The following TLL1 variants were observed in gnomAD, a reference collection of about 807,000 sequenced individuals.
TLL1 encodes the protein tolloid like 1, also known as tolloid-like protein 1.
Under a neutral mutation model 128.2 loss-of-function variants are expected in TLL1, and 49 were observed. The ratio of observed to expected loss-of-function variants is 0.38; its 90% CI spans 0.30 to 0.48. The LOEUF is 0.48. Ranked by LOEUF, TLL1 falls within the 20% of genes least tolerant of loss-of-function variation. The probability of loss-of-function intolerance (pLI) is 0.96; values close to 1 mark genes in which losing one functional copy is unlikely to be tolerated. For missense variants in TLL1, 1,123 were observed against 1,242.0 expected (o/e 0.90, Z 1.44); for synonymous variants, 454 against 418.8 (o/e 1.08, Z -1.03).
At chr4:165,882,975 G>A (rs1731025234) in intron 1 of TLL1, among the ~76,000 whole-genome samples, 1 of 151,948 alleles carries the variant, frequency 6.6e-6, no homozygotes, top group Admixed American at 6.6e-5. Flanking sequence ...AATAGTTACA[G>A]TAAGAACAGA....
At position 165,995,145 on chromosome 4, in the gene TLL1, A is replaced by G. The variant is rs1434361541; in HGVS notation, c.599A>G (p.Glu200Gly). 3 of 1,613,918 alleles carry G rather than the reference A, an allele frequency of 1.9e-6. No individual in the cohort carries two copies. Among genetic ancestry groups the G allele is most frequent in the Non-Finnish European group, 2.5e-6 (3 of 1,179,910 alleles). ...ACTTTCATAGAAAGAAGTGATGAAG[A>G]GAGTTACATTGTATTCACCTATAGG... Reference protein sequence around the residue: ...CVTFIERSDEESYIVFTYRPC... With the variant: ...CVTFIERSDEGSYIVFTYRPC... Residue 200 changes from glutamate (E) to glycine (G), a missense_variant, in exon 5 of 21, where the codon GAG (glutamate) becomes GGG (glycine). Glu to Gly is a moderately conservative substitution (Grantham distance 98, BLOSUM62 -2). Around this residue, in one of 3 missense-constraint regions of TLL1, gnomAD observed 480 missense variants for 542.4 expected, o/e 0.89. Transcript: ENST00000061240.
intron 10 of TLL1, among the ~76,000 whole-genome samples, chr4:166,041,726 C>T (rs907382174): frequency 6.6e-6 from 1 of 152,168 alleles, no homozygotes; most frequent in Non-Finnish European, 1.5e-5. Flanking sequence ...CTTGATGCAT[C>T]ATTTGACCTT....
At chr4:166,030,325 C>G (rs903909318) in intron 9 of TLL1, 2 of 399,450 alleles carry the variant, frequency 5.0e-6, no homozygotes, top group Non-Finnish European at 8.9e-6. Flanking sequence ...AATATTTATT[C>G]AAGTCTTTTG....
chr4:166,072,045 A>T (rs1203105814), intron 16 of TLL1, among the ~76,000 whole-genome samples: 2 of 151,994 alleles, frequency 1.3e-5, no homozygotes, highest in Admixed American at 1.3e-4. Context: ...TTCTCTTTTC[A>T]TATGACTATT....
chr4:166,095,220 A>G lies in TLL1; in HGVS notation c.2656+3879A>G, dbSNP rs148500235. ...GAATTTTTGAACTAGGTGATTAGAA[A>G]TGTTGTAATGTGTAATGATGGCTGC... On this transcript the variant is annotated intron_variant, in intron 19 of 20. Coordinates refer to ENST00000061240, the MANE Select transcript of TLL1 (RefSeq NM_012464.5). Among the ~76,000 whole-genome samples the G allele has an allele frequency of 7.8e-3, 1,185 of 152,212 alleles. 4 individuals are homozygous for G. The highest frequency in any genetic ancestry group is 0.017 in the South Asian group (80 of 4,826).
intron 12 of TLL1, among the ~76,000 whole-genome samples, chr4:166,044,862 A>C (rs976286574): frequency 6.6e-6 from 1 of 152,254 alleles, no homozygotes; most frequent in Non-Finnish European, 1.5e-5. Flanking sequence ...TATTATAGAC[A>C]TGATGTCAGA....
intron 12 of TLL1, among the ~76,000 whole-genome samples, chr4:166,045,584 G>A (rs1039062029): frequency 1.3e-5 from 2 of 152,086 alleles, no homozygotes; most frequent in African/African-American, 4.8e-5. Flanking sequence ...AAACCAGAGT[G>A]ATGCTTTTAC....
intron 18 of TLL1, among the ~76,000 whole-genome samples, 193 bp downstream of exon 18, chr4:166,078,223 C>T (rs1741128020): frequency 6.6e-6 from 1 of 152,086 alleles, no homozygotes; most frequent in East Asian, 1.9e-4. Context: ...CCACGTTGTT[C>T]TCCTCTAGGG....
intron 5 of TLL1, among the ~76,000 whole-genome samples, chr4:166,002,677 TCAAA>T (rs1295963565): frequency 3.9e-5 from 6 of 152,138 alleles, no homozygotes; most frequent in Non-Finnish European, 7.3e-5. Flanking sequence ...ACTCCCGACC[TCAAA>T]CAGTCCTCCC....
chr4:165,933,507 C>T (rs1003145215), intron 1 of TLL1, among the ~76,000 whole-genome samples: 5 of 152,240 alleles, frequency 3.3e-5, no homozygotes, highest in African/African-American at 9.6e-5. Context: ...GCAGCCTGTC[C>T]ATCAGCTATT....
intron 1 of TLL1, among the ~76,000 whole-genome samples, chr4:165,917,922 T>A (rs778883325): frequency 9.2e-5 from 14 of 152,218 alleles, no homozygotes; most frequent in Non-Finnish European, 1.5e-4. Context: ...TTAAATTTTT[T>A]ATCATTAGCG....
chr4:165,891,350 A>G (rs931270922), intron 1 of TLL1, among the ~76,000 whole-genome samples: 65 of 152,208 alleles, frequency 4.3e-4, no homozygotes, highest in African/African-American at 1.5e-3. Context: ...TTCTTTTTCT[A>G]TATCATCATC....
chr4:165,890,585 A>G (rs2110830099), intron 1 of TLL1, among the ~76,000 whole-genome samples: 1 of 152,324 alleles, frequency 6.6e-6, no homozygotes, highest in East Asian at 1.9e-4. Context: ...CAAATCTTAT[A>G]GCTCTGAAAT....
intron 1 of TLL1, among the ~76,000 whole-genome samples, chr4:165,939,070 T>C (rs1733886264): frequency 6.6e-6 from 1 of 152,068 alleles, no homozygotes; most frequent in Non-Finnish European, 1.5e-5. Flanking sequence ...GATGTAATGA[T>C]ATTAAGTTTG....
chr4:165,940,389 A>G (rs1733951178), intron 1 of TLL1, among the ~76,000 whole-genome samples: 3 of 151,998 alleles, frequency 2.0e-5, no homozygotes, highest in Admixed American at 1.3e-4. Context: ...TACAGTGCAC[A>G]TTCGTATACT....
At chr4:165,939,549 C>T (rs768227596) in intron 1 of TLL1, among the ~76,000 whole-genome samples, 1 of 151,928 alleles carries the variant, frequency 6.6e-6, no homozygotes, top group Admixed American at 6.6e-5. Context: ...TTTTTCACAG[C>T]GAGCTTCATC....
At chr4:165,924,178 CTCACATCTCTCACTTTAAA>C (rs1163279541) in intron 1 of TLL1, among the ~76,000 whole-genome samples, 1 of 152,124 alleles carries the variant, frequency 6.6e-6, no homozygotes, top group Non-Finnish European at 1.5e-5. Flanking sequence ...AAACAAGAGT[CTCACATCTCTCACTTTAAA>C]TCAAAAGCTA....
intron 19 of TLL1, among the ~76,000 whole-genome samples, chr4:166,094,400 A>T (rs1436093044): frequency 6.6e-6 from 1 of 152,192 alleles, no homozygotes; most frequent in Admixed American, 6.5e-5. Flanking sequence ...TGAAGATTGA[A>T]TTCTTCTTTA....
At position 166,011,288 on chromosome 4, in the gene TLL1, AC is replaced by A. The variant is rs199739537; in HGVS notation, c.918-3147del. On this transcript the variant is annotated intron_variant, in intron 7 of 20. Transcript: ENST00000061240. ...CAGTGTTAAGTGTTTCAATTCAGGA[AC>A]AAGGGATCTTTGTCTCTTCTTTAAT... Among the ~76,000 whole-genome samples the A allele has an allele frequency of 4.9e-3, 746 of 151,590 alleles. 8 individuals carry two copies. The highest frequency in any genetic ancestry group is 0.017 in the African/African-American group (689 of 41,510).
Sources: allele counts gnomAD v4.1 joint callset (sites outside exome capture counted in the v4.1 genomes callset), GRCh38; gene constraint gnomAD v4.1.1; regional missense constraint gnomAD v4.1.1; transcripts MANE v1.5; gene names NCBI Gene and HGNC (gene_info 2026-07-23, HGNC 2026-07-21).